DSCAM: variants seen among roughly 807,000 people sequenced by gnomAD.
DSCAM encodes the protein DS cell adhesion molecule.
Under a neutral mutation model 217.7 loss-of-function variants are expected in DSCAM, and 47 were observed. The observed-to-expected ratio is 0.22, with a 90% confidence interval of 0.17 to 0.28. The LOEUF (loss-of-function observed/expected upper bound fraction) is 0.28, where lower values mean the gene tolerates loss of function less well. Ranked by LOEUF, DSCAM falls within the 10% of genes least tolerant of loss-of-function variation. The pLI is 1.00. For missense variants in DSCAM, 2,080 were observed against 2,618.3 expected (o/e 0.79, Z 4.49); for synonymous variants, 1,056 against 1,015.3 (o/e 1.04, Z -0.76).
chr21:40,264,937 G>C (rs977534575), intron 11 of DSCAM, among the ~76,000 whole-genome samples: 1 of 137,868 alleles, frequency 7.3e-6, no homozygotes, highest in Non-Finnish European at 1.5e-5. Context: ...GGTGGCTCAC[G>C]CCTGACTTTG....
chr21:40,630,596 G>A (rs1373531287), intron 3 of DSCAM: 1 of 152,216 alleles, frequency 6.6e-6, no homozygotes, highest in Non-Finnish European at 1.5e-5. Context: ...ACTGCGCCCA[G>A]CCAAAGTAAT....
intron 10 of DSCAM, among the ~76,000 whole-genome samples, chr21:40,284,505 C>T (rs1397973574): frequency 6.6e-6 from 1 of 152,132 alleles, no homozygotes; most frequent in Admixed American, 6.5e-5. Context: ...TACATTTTAC[C>T]AGTGAGAGGC....
chr21:40,768,328 AC>A (rs2091414056), intron 1 of DSCAM, among the ~76,000 whole-genome samples: 3 of 82,484 alleles, frequency 3.6e-5, no homozygotes, highest in African/African-American at 4.6e-5. Context: ...CCCTCCCCCC[AC>A]CCCCACCCTG....
At chr21:40,389,869 G>A (rs1454847245) in intron 3 of DSCAM, among the ~76,000 whole-genome samples, 1 of 152,224 alleles carries the variant, frequency 6.6e-6, no homozygotes, top group Non-Finnish European at 1.5e-5. Flanking sequence ...GAGAGAACAG[G>A]TGTGGACGTG....
intron 5 of DSCAM, among the ~76,000 whole-genome samples, chr21:40,349,964 A>C (rs1454109833): frequency 1.3e-5 from 2 of 152,162 alleles, no homozygotes; most frequent in Non-Finnish European, 2.9e-5. Flanking sequence ...ACATATAAAT[A>C]TATCTTTTAA....
chr21:40,512,925 G>C (rs1214178465), intron 3 of DSCAM, among the ~76,000 whole-genome samples: 1 of 152,070 alleles, frequency 6.6e-6, no homozygotes, highest in Non-Finnish European at 1.5e-5. Flanking sequence ...TTGAGACAGA[G>C]TTTCACTCTT....
chr21:40,465,126 C>T (rs546424146), intron 3 of DSCAM, among the ~76,000 whole-genome samples: 2 of 152,106 alleles, frequency 1.3e-5, no homozygotes, highest in South Asian at 2.1e-4. Flanking sequence ...AAAATAAGAT[C>T]CCAATTCCCT....
At chr21:40,429,853 C>T (rs550196786) in intron 3 of DSCAM, among the ~76,000 whole-genome samples, 2 of 152,236 alleles carry the variant, frequency 1.3e-5, no homozygotes, top group South Asian at 4.1e-4. Context: ...GGGCGCTATT[C>T]CAGATGGTGA....
intron 1 of DSCAM, among the ~76,000 whole-genome samples, chr21:40,757,201 ATTT>A (rs2091285408): frequency 6.6e-6 from 1 of 151,404 alleles, no homozygotes; most frequent in South Asian, 2.1e-4. Context: ...TTTTTTTTGT[ATTT>A]TTAGTAGAGA....
At chr21:40,250,216 C>A (rs1198040909) in intron 11 of DSCAM, among the ~76,000 whole-genome samples, 1 of 152,148 alleles carries the variant, frequency 6.6e-6, no homozygotes, top group African/African-American at 2.4e-5. Flanking sequence ...ATTCATGCAG[C>A]ATCTGGGGAC....
rs560424585 is a variant in DSCAM, at chr21:40,785,675, G to A, written c.43+60944C>T. On this transcript the variant is annotated intron_variant, in intron 1 of 32. Transcript: ENST00000400454. ...GGATGAAAAGACTCGGTGTCCTGTC[G>A]TTCATTCATTCATTTATTCATTCAT... Among the ~76,000 whole-genome samples, 16 of 152,222 alleles carry A rather than the reference G, an allele frequency of 1.1e-4. No homozygotes were observed. In the South Asian group the frequency reaches 1.2e-3, roughly 12 times the overall value.
At chr21:40,645,160 A>T (rs979469689) in intron 3 of DSCAM, among the ~76,000 whole-genome samples, 1 of 152,132 alleles carries the variant, frequency 6.6e-6, no homozygotes, top group African/African-American at 2.4e-5. Flanking sequence ...TTTCTCCCTA[A>T]TATTTCCTTT....
intron 3 of DSCAM, among the ~76,000 whole-genome samples, chr21:40,408,167 GAATAT>G (rs2075294488): frequency 6.6e-6 from 1 of 151,872 alleles, no homozygotes. Context: ...TGAAAACAAA[GAATAT>G]ATTAAATAAA....
chr21:40,589,768 G>T (rs550988650), intron 3 of DSCAM, among the ~76,000 whole-genome samples: 1 of 152,184 alleles, frequency 6.6e-6, no homozygotes, highest in South Asian at 2.1e-4. Context: ...TAGCATGTGC[G>T]GTCATTACAA....
At chr21:40,442,184 A>C (rs189772071) in intron 3 of DSCAM, among the ~76,000 whole-genome samples, 39 of 152,256 alleles carry the variant, frequency 2.6e-4, no homozygotes, top group East Asian at 9.7e-4. Flanking sequence ...CAAAGAGTAC[A>C]TTATAAAATG....
At chr21:40,330,601 T>A (rs1646061737) in intron 8 of DSCAM, among the ~76,000 whole-genome samples, 1 of 151,986 alleles carries the variant, frequency 6.6e-6, no homozygotes, top group Non-Finnish European at 1.5e-5. Context: ...GACAAACCTG[T>A]CTGAAGGAAC....
intron 11 of DSCAM, among the ~76,000 whole-genome samples, chr21:40,222,678 T>C (rs534071447): frequency 4.1e-4 from 45 of 109,998 alleles, no homozygotes; most frequent in African/African-American, 1.2e-3. Flanking sequence ...TTTCTAAAAA[T>C]AGTTTATTAA....
chr21:40,162,914 C>A (rs1478960213), intron 16 of DSCAM, among the ~76,000 whole-genome samples: 1 of 152,054 alleles, frequency 6.6e-6, no homozygotes, highest in East Asian at 1.9e-4. Context: ...GCAAAGATTT[C>A]TTATTTAATG....
intron 2 of DSCAM, among the ~76,000 whole-genome samples, chr21:40,696,914 C>A (rs981700798): frequency 6.6e-6 from 1 of 152,078 alleles, no homozygotes; most frequent in Non-Finnish European, 1.5e-5. Flanking sequence ...GTTGGGAGCA[C>A]AGTAAATCTT....
Sources: allele counts gnomAD v4.1 joint callset (sites outside exome capture counted in the v4.1 genomes callset), GRCh38; gene constraint gnomAD v4.1.1; transcripts MANE v1.5; gene names NCBI Gene and HGNC (gene_info 2026-07-23, HGNC 2026-07-21).